ATRN: variants seen among roughly 807,000 people sequenced by gnomAD.
The protein encoded by ATRN is attractin-2.
Under a neutral mutation model 178.7 loss-of-function variants are expected in ATRN, and 54 were observed. The ratio of observed to expected loss-of-function variants is 0.30; its 90% CI spans 0.24 to 0.38. ATRN has a LOEUF of 0.38. ATRN is among the 10% of genes least tolerant of loss of function. ATRN has a pLI of 1.00. For missense variants in ATRN, 1,443 were observed against 1,815.1 expected (o/e 0.79, Z 3.73); for synonymous variants, 636 against 663.0 (o/e 0.96, Z 0.63).
At chr20:3,513,678 G>A (rs1417930077) in intron 1 of ATRN, among the ~76,000 whole-genome samples, 1 of 152,106 alleles carries the variant, frequency 6.6e-6, no homozygotes, top group Non-Finnish European at 1.5e-5. Context: ...GGATGGTATT[G>A]AATCTATAAA....
chr20:3,646,113 A>C (rs1300135732), intron 28 of ATRN, among the ~76,000 whole-genome samples: 1 of 152,160 alleles, frequency 6.6e-6, no homozygotes, highest in Non-Finnish European at 1.5e-5. Context: ...GCCCTGTACT[A>C]CTATTATCCC....
intron 1 of ATRN, chr20:3,489,807 A>G: frequency 7.9e-7 from 1 of 1,263,514 alleles, no homozygotes; most frequent in Non-Finnish European, 1.2e-6. Flanking sequence ...GTTTCCACAA[A>G]TCTCACAGTT....
At position 3,649,934 on chromosome 20, in the gene ATRN, C is replaced by G. The variant is rs1600179030; in HGVS notation, c.*3087C>G. 6.6e-6 allele frequency: 1 copy of G among 152,082 alleles called. No homozygotes were observed. The highest frequency in any genetic ancestry group is 1.9e-4 in the East Asian group (1 of 5,188). The allele number at this position is 152,082 out of a possible 1,614,324, so 9.4% of individuals were successfully genotyped here. Reference sequence around the variant, plus strand: ...TTTCCCCATGGAGAATTTGACATACCCTGGACTCCTGTGTGCCTCCTGCCA... The same window carrying G: ...TTTCCCCATGGAGAATTTGACATACGCTGGACTCCTGTGTGCCTCCTGCCA... On this transcript the variant is annotated 3_prime_UTR_variant, in exon 29 of 29. Coordinates refer to ENST00000262919, the MANE Select transcript of ATRN (RefSeq NM_139321.3).
chr20:3,504,792 A>G (rs1020528549), intron 1 of ATRN, among the ~76,000 whole-genome samples: 5 of 151,482 alleles, frequency 3.3e-5, no homozygotes, highest in African/African-American at 9.7e-5. Context: ...ATAGAATAAA[A>G]AATATAAAAC....
At chr20:3,533,996 G>A (rs1382440675) in intron 1 of ATRN, among the ~76,000 whole-genome samples, 1 of 152,154 alleles carries the variant, frequency 6.6e-6, no homozygotes, top group African/African-American at 2.4e-5. Flanking sequence ...TAATCAGTCA[G>A]TGGCAAGGGG....
At chr20:3,474,560 A>T (rs1052890804) in intron 1 of ATRN, among the ~76,000 whole-genome samples, 5 of 151,606 alleles carry the variant, frequency 3.3e-5, no homozygotes, top group African/African-American at 1.2e-4. Context: ...ACAAAAAATT[A>T]GCCGGGCGTG....
intron 1 of ATRN, among the ~76,000 whole-genome samples, chr20:3,491,206 C>T (rs973194193): frequency 1.3e-5 from 2 of 152,124 alleles, no homozygotes; most frequent in African/African-American, 4.8e-5. Flanking sequence ...AATGTGGCCT[C>T]ATTTCTGTGT....
intron 11 of ATRN, among the ~76,000 whole-genome samples, chr20:3,569,996 A>G (rs1174976659): frequency 6.6e-6 from 1 of 151,942 alleles, no homozygotes; most frequent in Non-Finnish European, 1.5e-5. Context: ...GCTTGAGCCC[A>G]GGAATTTGAG....
At chr20:3,488,872 A>G (rs1293101415) in intron 1 of ATRN, among the ~76,000 whole-genome samples, 4 of 152,152 alleles carry the variant, frequency 2.6e-5, no homozygotes, top group East Asian at 1.9e-4. Flanking sequence ...ATTTATTTAA[A>G]TCTTTTCTAA....
chr20:3,624,677 A>G (rs929931719), intron 25 of ATRN, 105 bp downstream of exon 25: 6 of 983,280 alleles, frequency 6.1e-6, no homozygotes, highest in Non-Finnish European at 9.3e-6. Flanking sequence ...CTGTGTTTCC[A>G]CCACAGATTA....
At position 3,547,251 on chromosome 20, in the gene ATRN, G is replaced by A. The variant is rs760194714; in HGVS notation, c.738-33G>A. 9.2e-6 allele frequency: 14 copies of A among 1,514,428 alleles called. No homozygotes were observed. In the East Asian group the frequency reaches 2.7e-4, roughly 29 times the overall value. The allele number at this position is 1,514,428 out of a possible 1,614,324, so 93.8% of individuals were successfully genotyped here. ...GCTAAGTTAATGGAAGCGTTGCGTT[G>A]TGTTAATGTAATTTTCCCTGCTATT... On this transcript the variant is annotated intron_variant, in intron 4 of 28. Transcript: ENST00000262919.
intron 1 of ATRN, among the ~76,000 whole-genome samples, chr20:3,478,843 C>T (rs759451235): frequency 3.9e-5 from 6 of 151,944 alleles, no homozygotes; most frequent in Non-Finnish European, 7.4e-5. Context: ...CCTCCCTCCT[C>T]ACTGCTCCCC....
At chr20:3,547,567 T>C in intron 5 of ATRN, 78 bp downstream of exon 5, 1 of 1,123,196 alleles carries the variant, frequency 8.9e-7, no homozygotes, top group South Asian at 1.5e-5. Flanking sequence ...TTGACTTTAT[T>C]CTTAGCACCT....
chr20:3,624,362 G>T, intron 24 of ATRN, 149 bp from the exon 25 acceptor site: 2 of 705,608 alleles, frequency 2.8e-6, no homozygotes, highest in Non-Finnish European at 2.5e-6. Flanking sequence ...TAAACTAAAG[G>T]GGTGAGGTAC....
intron 3 of ATRN, among the ~76,000 whole-genome samples, chr20:3,542,078 G>T (rs2085630206): frequency 6.6e-6 from 1 of 152,210 alleles, no homozygotes; most frequent in African/African-American, 2.4e-5. Flanking sequence ...TCACTTACAA[G>T]GCCAAAGAGC....
At chr20:3,621,949 T>TTA (rs2086900340) in intron 24 of ATRN, among the ~76,000 whole-genome samples, 1 of 152,266 alleles carries the variant, frequency 6.6e-6, no homozygotes, top group Non-Finnish European at 1.5e-5. Flanking sequence ...AAATGTTTAT[T>TTA]AAGTGCCAAT....
intron 14 of ATRN, among the ~76,000 whole-genome samples, chr20:3,578,277 T>C (rs2086238023): frequency 6.6e-6 from 1 of 152,228 alleles, no homozygotes. Flanking sequence ...GTTTTCTAAT[T>C]GTTCTTCAGA....
Position 3,644,252 on chromosome 20 carries a change from T to C in ATRN, c.4149T>C (p.Pro1383=). Residue 1383 remains proline, a synonymous_variant, in exon 28 of 29, where the codon CCT becomes CCC. Coordinates refer to ENST00000262919, the MANE Select transcript of ATRN (RefSeq NM_139321.3). The stretch of plus-strand genomic sequence containing the variant: ...TCCCTCGAGGCCTGGGTGGCATCCC[T>C]CCTCCTGGGCAGTCAGGTGAGTAGA... ...VRLPRGLGGI[P]PPGQSGLAVA... is the part of the protein sequence containing the mutation. 6.2e-7 allele frequency: 1 copy of C among 1,613,752 alleles called. No individual in the cohort carries two copies. The highest frequency in any genetic ancestry group is 8.5e-7 in the Non-Finnish European group (1 of 1,179,664).
intron 1 of ATRN, chr20:3,489,758 A>G (rs1488981104): frequency 6.8e-7 from 1 of 1,470,902 alleles, no homozygotes; most frequent in Non-Finnish European, 9.5e-7. Flanking sequence ...GCTATTCAGC[A>G]AAGTGTCACT....
Sources: gnomAD v4.1 joint callset for allele counts (sites outside exome capture counted in the v4.1 genomes callset) on GRCh38, gnomAD v4.1.1 for gene constraint, MANE v1.5 for transcripts, NCBI Gene and HGNC (gene_info 2026-07-23, HGNC 2026-07-21) for gene names.